The following KAZN variants were observed in gnomAD, a reference collection of about 807,000 sequenced individuals.
KAZN encodes the protein kazrin, periplakin interacting protein.
Under a neutral mutation model 87.4 loss-of-function variants are expected in KAZN, and 40 were observed. The observed-to-expected ratio is 0.46, with a 90% CI of 0.36 to 0.60. The LOEUF (loss-of-function observed/expected upper bound fraction) is 0.60, where lower values mean the gene tolerates loss of function less well. Among genes scored for constraint, KAZN ranks in the 20% least tolerant of loss-of-function variants. KAZN has a pLI of 0.00. For synonymous variants in KAZN, 466 were observed against 458.3 expected (o/e 1.02, Z -0.22); for missense variants, 898 against 1,073.9 (o/e 0.84, Z 2.29).
chr1:14,802,404 CAAA>C (rs35172215), intron 1 of KAZN, among the ~76,000 whole-genome samples: 3,801 of 135,322 alleles, frequency 0.028, 66 homozygotes, highest in Non-Finnish European at 0.045. Flanking sequence ...ACTCTTGTCT[CAAA>C]AAAAAAAAAA....
intron 2 of KAZN, among the ~76,000 whole-genome samples, chr1:14,501,807 G>A (rs931638298): frequency 6.6e-6 from 1 of 152,156 alleles, no homozygotes; most frequent in Non-Finnish European, 1.5e-5. Flanking sequence ...CCATAAAAAC[G>A]AAGGACTGAT....
chr1:14,021,214 C>T (rs960745754), intron 1 of KAZN, among the ~76,000 whole-genome samples: 41 of 152,176 alleles, frequency 2.7e-4, no homozygotes, highest in African/African-American at 9.4e-4. Context: ...ATTATAACAA[C>T]CCCAAATTTC....
chr1:15,108,615 C>G (rs915610151), intron 13 of KAZN, among the ~76,000 whole-genome samples: 1 of 152,194 alleles, frequency 6.6e-6, no homozygotes, highest in African/African-American at 2.4e-5. Context: ...TCCAGCACAG[C>G]ATCTTGTGCC....
At chr1:14,919,123 G>A (rs1055576647) in intron 1 of KAZN, among the ~76,000 whole-genome samples, 3 of 152,124 alleles carry the variant, frequency 2.0e-5, no homozygotes, top group Non-Finnish European at 2.9e-5. Context: ...CCTCACACCC[G>A]CAAAGCCAGC....
intron 2 of KAZN, among the ~76,000 whole-genome samples, chr1:14,206,467 CTT>C (rs901489608): frequency 4.8e-4 from 73 of 152,188 alleles, no homozygotes; most frequent in African/African-American, 1.7e-3. Context: ...AAAGTGGACT[CTT>C]TGGTGATTTG....
intron 1 of KAZN, among the ~76,000 whole-genome samples, chr1:14,168,358 A>G (rs960843413): frequency 2.0e-5 from 3 of 152,182 alleles, no homozygotes; most frequent in African/African-American, 7.2e-5. Flanking sequence ...TCTAGGCAGG[A>G]AGGCAGAGTG....
intron 1 of KAZN, among the ~76,000 whole-genome samples, chr1:14,918,032 C>A (rs1002732350): frequency 6.6e-6 from 1 of 152,088 alleles, no homozygotes; most frequent in Non-Finnish European, 1.5e-5. Flanking sequence ...GCATGAGCCA[C>A]CACGCCCGGC....
At chr1:13,915,607 C>T (rs950378439) in intron 1 of KAZN, among the ~76,000 whole-genome samples, 6 of 152,330 alleles carry the variant, frequency 3.9e-5, no homozygotes, top group East Asian at 3.9e-4. Context: ...TCCACCTCAG[C>T]GCCCAGTTGC....
At chr1:14,572,284 C>T (rs1395736766) in intron 2 of KAZN, among the ~76,000 whole-genome samples, 1 of 152,274 alleles carries the variant, frequency 6.6e-6, no homozygotes, top group East Asian at 1.9e-4. Context: ...TCCGCTGGCA[C>T]GGCATTGTAC....
chr1:13,906,482 G>T (rs1386969139), intron 1 of KAZN, among the ~76,000 whole-genome samples: 1 of 152,172 alleles, frequency 6.6e-6, no homozygotes. Context: ...GGGCAGAAAG[G>T]CTGTACTACT....
intron 1 of KAZN, among the ~76,000 whole-genome samples, chr1:14,144,793 G>A (rs928594719): frequency 3.9e-5 from 6 of 152,160 alleles, no homozygotes; most frequent in Non-Finnish European, 7.3e-5. Context: ...ACGAAAGGAA[G>A]CAAGTGGGGG....
At chr1:14,337,706 C>T (rs966899032) in intron 2 of KAZN, among the ~76,000 whole-genome samples, 1 of 152,060 alleles carries the variant, frequency 6.6e-6, no homozygotes, top group African/African-American at 2.4e-5. Flanking sequence ...CCAGCCTGGC[C>T]AGCATGGCAA....
At chr1:14,719,106 C>T (rs1408825628) in intron 1 of KAZN, among the ~76,000 whole-genome samples, 1 of 152,166 alleles carries the variant, frequency 6.6e-6, no homozygotes, top group Non-Finnish European at 1.5e-5. Flanking sequence ...CAACTTTGCA[C>T]ATGTACTCTC....
chr1:14,826,288 C>T (rs531154521), intron 1 of KAZN, among the ~76,000 whole-genome samples: 8 of 152,218 alleles, frequency 5.3e-5, no homozygotes, highest in African/African-American at 9.6e-5. Context: ...TAATTGTCTG[C>T]GGATGTTCGT....
chr1:14,149,947 C>T (rs556294829), intron 1 of KAZN, among the ~76,000 whole-genome samples: 4 of 152,092 alleles, frequency 2.6e-5, no homozygotes, highest in Non-Finnish European at 4.4e-5. Flanking sequence ...AAACTGCTGG[C>T]CTAAAAATTT....
chr1:14,466,694 C>T lies in KAZN; in HGVS notation c.250-132289C>T, dbSNP rs537707779. ...AAAAAAAGAAGAAGAAACGGCCAGG[C>T]GCGGTGGCTCACGCCTGTAATCCCA... On this transcript the variant is annotated intron_variant, in intron 2 of 16. Coordinates refer to the KAZN transcript ENST00000636203. Among the ~76,000 whole-genome samples the T allele has an allele frequency of 7.1e-4, 107 of 151,484 alleles. No individual in the cohort carries two copies. The East Asian group carries it at 0.017, about 24-fold the overall frequency.
At chr1:14,227,909 A>G (rs931488733) in intron 2 of KAZN, among the ~76,000 whole-genome samples, 1 of 152,162 alleles carries the variant, frequency 6.6e-6, no homozygotes, top group African/African-American at 2.4e-5. Flanking sequence ...CATCTTTGAA[A>G]GTTGTGTGAG....
At chr1:14,674,988 G>A (rs1209800836) in intron 1 of KAZN, among the ~76,000 whole-genome samples, 1 of 151,798 alleles carries the variant, frequency 6.6e-6, no homozygotes, top group Admixed American at 6.6e-5. Flanking sequence ...AAATCTTACT[G>A]TGTTGCCCAG....
chr1:15,074,651 C>T (rs1466866936), intron 8 of KAZN, among the ~76,000 whole-genome samples: 2 of 152,198 alleles, frequency 1.3e-5, no homozygotes, highest in African/African-American at 4.8e-5. Flanking sequence ...CAACGCCTCC[C>T]CAGGTCACAG....
Sources: gnomAD v4.1 joint callset for allele counts (sites outside exome capture counted in the v4.1 genomes callset) on GRCh38, gnomAD v4.1.1 for gene constraint, MANE v1.5 for transcripts, NCBI Gene and HGNC (gene_info 2026-07-23, HGNC 2026-07-21) for gene names.